EDIL3: variants seen among roughly 807,000 people sequenced by gnomAD.
The protein encoded by EDIL3 is EGF like and discoidin domains 3, also known as EGF-like repeat and discoidin I-like domain-containing protein 3.
EDIL3 carries 37 observed loss-of-function variants against 67.4 expected under a neutral mutation model. The ratio of observed to expected loss-of-function variants is 0.55; its 90% CI spans 0.42 to 0.72. The LOEUF is 0.72. EDIL3 is among the 30% of genes least tolerant of loss of function. The pLI is 0.00. For synonymous variants in EDIL3, 195 were observed against 196.3 expected, an observed-to-expected ratio of 0.99 and a Z score of 0.05; for missense variants, 527 against 586.3, an observed-to-expected ratio of 0.90 and a Z score of 1.04.
chr5:84,082,957 A>G (rs1008956368), intron 6 of EDIL3, among the ~76,000 whole-genome samples: 5 of 152,146 alleles, frequency 3.3e-5, no homozygotes, highest in Admixed American at 6.6e-5. Flanking sequence ...GTAATCTCTT[A>G]ACACGTCCCC....
At chr5:83,955,391 T>G (rs1744496922) in intron 10 of EDIL3, among the ~76,000 whole-genome samples, 1 of 146,230 alleles carries the variant, frequency 6.8e-6, no homozygotes, top group South Asian at 2.2e-4. Flanking sequence ...ATATTCCTTA[T>G]GTTTTCACAC....
intron 5 of EDIL3, among the ~76,000 whole-genome samples, chr5:84,129,830 G>A (rs1227350693): frequency 2.0e-5 from 3 of 152,018 alleles, no homozygotes; most frequent in African/African-American, 7.2e-5. Flanking sequence ...ATATAAACAT[G>A]GTTTGGCATG....
intron 1 of EDIL3, among the ~76,000 whole-genome samples, chr5:84,295,648 AC>A (rs1310592740): frequency 6.6e-6 from 1 of 152,082 alleles, no homozygotes; most frequent in Non-Finnish European, 1.5e-5. Context: ...ATTAATTTAA[AC>A]ATATTACTCT....
intron 9 of EDIL3, among the ~76,000 whole-genome samples, chr5:84,054,466 A>G (rs912226374): frequency 6.6e-6 from 1 of 152,202 alleles, no homozygotes; most frequent in Non-Finnish European, 1.5e-5. Flanking sequence ...CAGGGCAATC[A>G]GGCAGGAGAA....
intron 3 of EDIL3, among the ~76,000 whole-genome samples, chr5:84,195,536 A>C (rs1743687399): frequency 1.3e-5 from 2 of 151,998 alleles, no homozygotes; most frequent in South Asian, 4.1e-4. Context: ...TTGTATATTC[A>C]GTCTTTAAAA....
intron 4 of EDIL3, among the ~76,000 whole-genome samples, chr5:84,145,404 G>T (rs1208137643): frequency 2.6e-5 from 4 of 152,098 alleles, no homozygotes; most frequent in African/African-American, 7.2e-5. Context: ...CGACCATGTA[G>T]TCTGGGACCA....
chr5:84,319,682 T>C lies in EDIL3; in HGVS notation c.67+64626A>G, dbSNP rs188666920. On this transcript the variant is annotated intron_variant, in intron 1 of 10. Transcript: ENST00000296591. The stretch of plus-strand genomic sequence containing the variant: ...ACCCAAGGATTATAAATCATTCTAC[T>C]ATAAAGACACATTGCACACATATGT... Among the ~76,000 whole-genome samples the C allele has an allele frequency of 3.3e-3, 504 of 152,234 alleles. 5 individuals are homozygous for C. Among genetic ancestry groups the C allele is most frequent in the African/African-American group, 0.012 (486 of 41,542 alleles).
intron 9 of EDIL3, among the ~76,000 whole-genome samples, chr5:84,029,520 T>C (rs2112200804): frequency 6.6e-6 from 1 of 152,222 alleles, no homozygotes; most frequent in East Asian, 1.9e-4. Context: ...TGTAGATATA[T>C]ACATATTTAC....
intron 2 of EDIL3, among the ~76,000 whole-genome samples, chr5:84,245,224 T>C (rs1459639376): frequency 1.3e-5 from 2 of 152,336 alleles, no homozygotes; most frequent in African/African-American, 4.8e-5. Flanking sequence ...TAATCAAATG[T>C]TTGAATGAAA....
At chr5:84,244,894 C>A (rs1414965138) in intron 2 of EDIL3, among the ~76,000 whole-genome samples, 2 of 152,200 alleles carry the variant, frequency 1.3e-5, no homozygotes, top group African/African-American at 4.8e-5. Context: ...CATAAGAACA[C>A]AAACTATTGT....
At chr5:83,987,683 A>T (rs910654045) in intron 9 of EDIL3, among the ~76,000 whole-genome samples, 14 of 152,220 alleles carry the variant, frequency 9.2e-5, no homozygotes, top group African/African-American at 3.4e-4. Context: ...TTGCCTCATT[A>T]TCCATATATA....
chr5:84,255,852 T>C (rs1238229917), intron 1 of EDIL3, among the ~76,000 whole-genome samples: 1 of 152,176 alleles, frequency 6.6e-6, no homozygotes, highest in Non-Finnish European at 1.5e-5. Flanking sequence ...CCAAAGAATT[T>C]AGCGTGGCTG....
chr5:84,277,910 C>T (rs1185697019), intron 1 of EDIL3, among the ~76,000 whole-genome samples: 1 of 152,052 alleles, frequency 6.6e-6, no homozygotes. Flanking sequence ...CCGTAGTATA[C>T]CCCAACATAC....
intron 9 of EDIL3, among the ~76,000 whole-genome samples, chr5:83,991,137 T>C (rs373960718): frequency 6.6e-5 from 10 of 152,274 alleles, no homozygotes; most frequent in South Asian, 2.1e-4. Flanking sequence ...AACATGTATA[T>C]TCTTTGCTTC....
At chr5:84,226,280 ATT>A (rs1744451091) in intron 3 of EDIL3, among the ~76,000 whole-genome samples, 1 of 151,688 alleles carries the variant, frequency 6.6e-6, no homozygotes, top group African/African-American at 2.4e-5. Flanking sequence ...TTCTGCATCA[ATT>A]CTATTGGTGA....
intron 2 of EDIL3, among the ~76,000 whole-genome samples, chr5:84,238,667 T>TTTTTTG (rs1554037704): frequency 3.3e-5 from 3 of 90,210 alleles, no homozygotes; most frequent in Non-Finnish European, 7.8e-5. Context: ...AATTAAATGT[T>TTTTTTG]TTTTTTTTTT....
At chr5:83,973,783 TACC>T (rs1364972104) in intron 9 of EDIL3, among the ~76,000 whole-genome samples, 1 of 151,994 alleles carries the variant, frequency 6.6e-6, no homozygotes, top group Non-Finnish European at 1.5e-5. Flanking sequence ...CTGTGGCAAA[TACC>T]ATAAGAACTG....
chr5:84,265,089 G>A (rs1301324532), intron 1 of EDIL3, among the ~76,000 whole-genome samples: 2 of 152,034 alleles, frequency 1.3e-5, no homozygotes, highest in Non-Finnish European at 2.9e-5. Context: ...AGATAAAACT[G>A]TTATATCAAT....
At chr5:84,117,030 T>TTA (rs1554068676) in intron 5 of EDIL3, among the ~76,000 whole-genome samples, 4 of 132,790 alleles carry the variant, frequency 3.0e-5, no homozygotes, top group African/African-American at 8.9e-5. Flanking sequence ...ATTTTTTTTT[T>TTA]TTTTTTTTTT....
Sources: gnomAD v4.1 joint callset for allele counts (sites outside exome capture counted in the v4.1 genomes callset) on GRCh38, gnomAD v4.1.1 for gene constraint, MANE v1.5 for transcripts, NCBI Gene and HGNC (gene_info 2026-07-23, HGNC 2026-07-21) for gene names.